The following SGCZ variants were observed in gnomAD, a reference collection of about 807,000 sequenced individuals.
The protein encoded by SGCZ is zeta-sarcoglycan.
Under a neutral mutation model 41.3 loss-of-function variants are expected in SGCZ, and 40 were observed. The observed-to-expected ratio is 0.97, with a 90% CI of 0.75 to 1.26. SGCZ has a LOEUF of 1.26. Ranked by LOEUF, SGCZ falls within the 50% of genes most tolerant of loss-of-function variation. SGCZ has a pLI of 0.00. For missense variants in SGCZ, 552 were observed against 369.8 expected, an observed-to-expected ratio of 1.49 and a Z score of -4.04; for synonymous variants, 206 against 137.5, an observed-to-expected ratio of 1.50 and a Z score of -3.49.
At chr8:14,571,697 T>C (rs752289149) in intron 1 of SGCZ, among the ~76,000 whole-genome samples, 3 of 152,188 alleles carry the variant, frequency 2.0e-5, no homozygotes, top group Non-Finnish European at 4.4e-5. Context: ...GAAAAGGCCT[T>C]GACCATATTA....
intron 3 of SGCZ, among the ~76,000 whole-genome samples, chr8:14,297,783 T>C (rs1449589188): frequency 6.6e-6 from 1 of 152,028 alleles, no homozygotes; most frequent in Non-Finnish European, 1.5e-5. Context: ...TTTAAAACCT[T>C]ATCAATAATG....
intron 3 of SGCZ, among the ~76,000 whole-genome samples, chr8:14,276,327 T>C (rs926408367): frequency 2.0e-5 from 3 of 152,178 alleles, no homozygotes; most frequent in African/African-American, 4.8e-5. Flanking sequence ...TTAGGGATCT[T>C]ATAGCATTCA....
At chr8:14,842,815 T>C (rs1208845059) in intron 1 of SGCZ, among the ~76,000 whole-genome samples, 3 of 152,162 alleles carry the variant, frequency 2.0e-5, no homozygotes, top group African/African-American at 7.2e-5. Flanking sequence ...GGAGAGGCTA[T>C]TATAGCTGTT....
chr8:14,745,088 C>G (rs1417497539), intron 1 of SGCZ, among the ~76,000 whole-genome samples: 1 of 152,134 alleles, frequency 6.6e-6, no homozygotes, highest in African/African-American at 2.4e-5. Context: ...TTCATCCTCT[C>G]CTTCCATTTA....
intron 5 of SGCZ, among the ~76,000 whole-genome samples, chr8:14,154,537 GT>G (rs1803819140): frequency 3.9e-5 from 6 of 152,026 alleles, no homozygotes; most frequent in Admixed American, 3.9e-4. Context: ...TAATAATTTT[GT>G]TGCAAATTTT....
intron 1 of SGCZ, among the ~76,000 whole-genome samples, chr8:14,801,740 A>G (rs1303442943): frequency 6.6e-6 from 1 of 152,208 alleles, no homozygotes; most frequent in Non-Finnish European, 1.5e-5. Context: ...TCAACAAATT[A>G]AGAAATGACT....
At chr8:15,047,571 G>C (rs1487202637) in intron 1 of SGCZ, among the ~76,000 whole-genome samples, 1 of 151,960 alleles carries the variant, frequency 6.6e-6, no homozygotes, top group Non-Finnish European at 1.5e-5. Context: ...CTAAGAGTTT[G>C]AATTTCCCTC....
chr8:14,810,670 C>G (rs1358146063), intron 1 of SGCZ, among the ~76,000 whole-genome samples: 1 of 151,978 alleles, frequency 6.6e-6, no homozygotes, highest in Non-Finnish European at 1.5e-5. Context: ...AGAGAGCTAA[C>G]TGGATACATT....
At chr8:14,230,146 C>T (rs1806510252) in intron 4 of SGCZ, among the ~76,000 whole-genome samples, 2 of 151,944 alleles carry the variant, frequency 1.3e-5, no homozygotes, top group African/African-American at 4.8e-5. Context: ...AACGTAAGGA[C>T]CAGTAGATTC....
chr8:15,030,490 A>T (rs1251495913), intron 1 of SGCZ, among the ~76,000 whole-genome samples: 1 of 152,204 alleles, frequency 6.6e-6, no homozygotes, highest in African/African-American at 2.4e-5. Flanking sequence ...ATTTGTGTCT[A>T]AAGCAGTAGT....
chr8:15,038,311 G>A (rs752576505), intron 1 of SGCZ, among the ~76,000 whole-genome samples: 4 of 151,864 alleles, frequency 2.6e-5, no homozygotes, highest in East Asian at 1.9e-4. Flanking sequence ...GCCTACTTAC[G>A]GTCAATTGAT....
chr8:14,624,759 C>A (rs1033174841), intron 1 of SGCZ, among the ~76,000 whole-genome samples: 1 of 151,008 alleles, frequency 6.6e-6, no homozygotes, highest in East Asian at 2.0e-4. Context: ...TTAGTAGAGA[C>A]GGGGTTTCAC....
chr8:14,443,684 G>A (rs541574350), intron 2 of SGCZ, among the ~76,000 whole-genome samples: 9 of 152,188 alleles, frequency 5.9e-5, no homozygotes, highest in South Asian at 2.1e-4. Flanking sequence ...AGACTGAAAC[G>A]TTAGACCTAA....
At position 14,626,439 on chromosome 8, in the gene SGCZ, T is replaced by A. The variant is rs781126542; in HGVS notation, c.40-71513A>T. 1.1e-3 allele frequency among the ~76,000 whole-genome samples: 164 copies of A among 152,250 alleles called. 1 individual carries two copies. Among genetic ancestry groups the A allele is most frequent in the Non-Finnish European group, 2.1e-3 (145 of 68,026 alleles). ...TGGCCTTAGGTTTAATATTTGTTCT[T>A]TGAACAAATATTTGAACTTTGTCTC... is the stretch of plus-strand genomic sequence containing the variant. On this transcript the variant is annotated intron_variant, in intron 1 of 7. Transcript: ENST00000382080.
intron 3 of SGCZ, among the ~76,000 whole-genome samples, chr8:14,245,201 G>A (rs958181871): frequency 2.0e-5 from 3 of 152,110 alleles, no homozygotes; most frequent in Admixed American, 2.0e-4. Flanking sequence ...TCCAGTTTTT[G>A]CCCATTCAGT....
At chr8:15,161,843 T>C (rs1461606904) in intron 1 of SGCZ, among the ~76,000 whole-genome samples, 1 of 152,140 alleles carries the variant, frequency 6.6e-6, no homozygotes, top group Non-Finnish European at 1.5e-5. Flanking sequence ...AAGACCAGCC[T>C]GGGCAACATG....
At chr8:14,834,924 A>G (rs1424522746) in intron 1 of SGCZ, among the ~76,000 whole-genome samples, 2 of 152,200 alleles carry the variant, frequency 1.3e-5, no homozygotes, top group Non-Finnish European at 2.9e-5. Flanking sequence ...CTTTTTAGCA[A>G]CATCTTCAGA....
chr8:14,851,881 A>G (rs1426441925), intron 1 of SGCZ, among the ~76,000 whole-genome samples: 1 of 152,058 alleles, frequency 6.6e-6, no homozygotes, highest in African/African-American at 2.4e-5. Context: ...TGTTATATGC[A>G]GGATAACCAG....
intron 1 of SGCZ, among the ~76,000 whole-genome samples, chr8:15,014,587 C>T (rs1160223926): frequency 6.6e-6 from 1 of 152,196 alleles, no homozygotes; most frequent in East Asian, 1.9e-4. Context: ...TGGTCATCAG[C>T]TGCCCATGTC....
Sources: gnomAD v4.1 joint callset for allele counts (sites outside exome capture counted in the v4.1 genomes callset) on GRCh38, gnomAD v4.1.1 for gene constraint, MANE v1.5 for transcripts, NCBI Gene and HGNC (gene_info 2026-07-23, HGNC 2026-07-21) for gene names.